Variants in VPS13B observed in about 807,000 individuals in gnomAD.
VPS13B encodes the protein intermembrane lipid transfer protein VPS13B.
VPS13B carries 285 observed loss-of-function variants against 426.4 expected under a neutral mutation model. The observed-to-expected ratio is 0.67, with a 90% CI of 0.61 to 0.74. The LOEUF is 0.74. Ranked by LOEUF, VPS13B falls within the 30% of genes least tolerant of loss-of-function variation. The probability of loss-of-function intolerance (pLI) is 0.00; values close to 1 mark genes in which losing one functional copy is unlikely to be tolerated. For missense variants in VPS13B, 4,537 were observed against 4,782.6 expected, an observed-to-expected ratio of 0.95 and a Z score of 1.51; for synonymous variants, 1,676 against 1,676.4, an observed-to-expected ratio of 1.00 and a Z score of 0.01.
At chr8:99,316,720 C>T (rs1809680595) in intron 19 of VPS13B, among the ~76,000 whole-genome samples, 1 of 152,038 alleles carries the variant, frequency 6.6e-6, no homozygotes, top group Non-Finnish European at 1.5e-5. Flanking sequence ...TTCCATTGTT[C>T]TTTCTTAGAG....
At chr8:99,053,317 T>A (rs143233298) in intron 3 of VPS13B, among the ~76,000 whole-genome samples, 3,273 of 152,026 alleles carry the variant, frequency 0.022, 52 homozygotes, top group Non-Finnish European at 0.033. Context: ...CAGTCCCCAT[T>A]GTGTGATGTT....
At chr8:99,416,478 C>T (rs1221951640) in intron 21 of VPS13B, among the ~76,000 whole-genome samples, 1 of 152,136 alleles carries the variant, frequency 6.6e-6, no homozygotes, top group African/African-American at 2.4e-5. Flanking sequence ...AAAAAAACTC[C>T]TGCAGCTAGC....
rs1356243074 is a variant in VPS13B at position 99,280,570 on chromosome 8, A to G, written c.2824+5316A>G. On this transcript the variant is annotated intron_variant, in intron 19 of 61. Transcript: ENST00000357162. Reference sequence around the variant, plus strand: ...ACATTTATGACAGATGTTCAAGGGTATAAATTTGACAGATAAATAATCAGT... The same window carrying G: ...ACATTTATGACAGATGTTCAAGGGTGTAAATTTGACAGATAAATAATCAGT... Among the ~76,000 whole-genome samples, 4 of 152,206 alleles carry G rather than the reference A, an allele frequency of 2.6e-5. No homozygotes were observed. The South Asian group carries it at 6.2e-4, about 24-fold the overall frequency.
At chr8:99,318,759 G>A (rs865814315) in intron 19 of VPS13B, among the ~76,000 whole-genome samples, 5 of 152,190 alleles carry the variant, frequency 3.3e-5, no homozygotes, top group Middle Eastern at 3.4e-3. Flanking sequence ...CTGACCTCGT[G>A]ATCCACCTGC....
rs775455935 is a variant in VPS13B, at chr8:99,699,505, T to A, written c.6047-20T>A. 2 of 1,611,766 alleles carry A rather than the reference T, an allele frequency of 1.2e-6. No individual in the cohort carries two copies. Among genetic ancestry groups the A allele is most frequent in the Admixed American group, 3.3e-5 (2 of 59,992 alleles). On this transcript the variant is annotated intron_variant, in intron 35 of 61. Coordinates refer to ENST00000357162, the MANE Select transcript of VPS13B (RefSeq NM_152564.5). ...AGTAAGAAAGCTTCAATAATTGTTT[T>A]CTCTTTTTTACTTCTATAGCGGATG...
At chr8:99,146,618 G>A (rs1810740653) in intron 13 of VPS13B, among the ~76,000 whole-genome samples, 1 of 152,102 alleles carries the variant, frequency 6.6e-6, no homozygotes, top group South Asian at 2.1e-4. Flanking sequence ...TGTCACCTAG[G>A]CTGAAATACA....
chr8:99,020,324 C>T (rs1587921707), intron 2 of VPS13B, among the ~76,000 whole-genome samples: 3 of 151,992 alleles, frequency 2.0e-5, no homozygotes, highest in African/African-American at 2.4e-5. Context: ...AATTTTGAAT[C>T]GGGTTCTTTG....
intron 16 of VPS13B, among the ~76,000 whole-genome samples, chr8:99,173,203 G>A (rs1298117628): frequency 6.6e-6 from 1 of 152,102 alleles, no homozygotes; most frequent in East Asian, 1.9e-4. Context: ...AAATCTTTGA[G>A]TTCAGTGTTA....
chr8:99,598,882 T>C (rs944054276), intron 33 of VPS13B, among the ~76,000 whole-genome samples: 2 of 151,960 alleles, frequency 1.3e-5, no homozygotes, highest in African/African-American at 4.8e-5. Context: ...AGTTAAAAAT[T>C]ATGATTTTTT....
chr8:99,824,070 C>A, intron 51 of VPS13B, 92 bp downstream of exon 51: 1 of 1,458,632 alleles, frequency 6.9e-7, no homozygotes, highest in Non-Finnish European at 9.5e-7. Context: ...AAATGAAAAG[C>A]TAACCCTGAA....
intron 19 of VPS13B, among the ~76,000 whole-genome samples, chr8:99,372,498 G>T (rs1242512094): frequency 6.6e-6 from 1 of 152,160 alleles, no homozygotes; most frequent in Non-Finnish European, 1.5e-5. Context: ...CAAAAAGTGG[G>T]TGAGGGATAT....
chr8:99,273,709 G>A lies in VPS13B; in HGVS notation c.2516-489G>A, dbSNP rs1461518794. On this transcript the variant is annotated intron_variant, in intron 17 of 61. Transcript: ENST00000357162. ...TGAGGAAGGAGAATTGCTTGAACCCGGGAGGCAGAGCTTGCAGAGCTTGCA... is the reference window on the plus strand; with the variant it reads ...TGAGGAAGGAGAATTGCTTGAACCCAGGAGGCAGAGCTTGCAGAGCTTGCA... Among the ~76,000 whole-genome samples the A allele has an allele frequency of 0.012, 14 of 1,190 alleles. No homozygotes were observed. In the Admixed American group the frequency reaches 0.12, roughly 10 times the overall value. The allele number at this position is 1,190 out of a possible 152,430, so 0.8% of individuals were successfully genotyped here.
chr8:99,460,233 C>T (rs1818752186), intron 23 of VPS13B, among the ~76,000 whole-genome samples: 1 of 151,758 alleles, frequency 6.6e-6, no homozygotes, highest in Non-Finnish European at 1.5e-5. Context: ...ATTTAATTTT[C>T]TCTATTCATT....
At chr8:99,474,061 T>G (rs1819554676) in intron 24 of VPS13B, among the ~76,000 whole-genome samples, 1 of 152,218 alleles carries the variant, frequency 6.6e-6, no homozygotes, top group Non-Finnish European at 1.5e-5. Context: ...CTTATTGATC[T>G]TGATATTGGG....
intron 19 of VPS13B, among the ~76,000 whole-genome samples, chr8:99,322,923 G>C (rs1035216207): frequency 6.6e-5 from 10 of 152,178 alleles, no homozygotes; most frequent in Non-Finnish European, 1.2e-4. Flanking sequence ...AGTCACAAAA[G>C]ATGTACAAAT....
At chr8:99,100,421 G>A (rs1846669645) in intron 4 of VPS13B, among the ~76,000 whole-genome samples, 2 of 152,098 alleles carry the variant, frequency 1.3e-5, no homozygotes, top group Admixed American at 6.5e-5. Context: ...CTCCTGAGTA[G>A]CTGGGACTAA....
chr8:99,649,625 TACACAC>T (rs57697283), intron 34 of VPS13B, among the ~76,000 whole-genome samples: 20,287 of 146,352 alleles, frequency 0.14, 1,840 homozygotes, highest in East Asian at 0.39. Flanking sequence ...CCCCTCTACA[TACACAC>T]ACACACACAC....
At chr8:99,077,487 A>G (rs1331444107) in intron 3 of VPS13B, among the ~76,000 whole-genome samples, 2 of 151,834 alleles carry the variant, frequency 1.3e-5, no homozygotes. Context: ...TCATTTTTGA[A>G]TAGCACTTTG....
At chr8:99,263,812 A>G (rs1818170230) in intron 17 of VPS13B, among the ~76,000 whole-genome samples, 1 of 152,142 alleles carries the variant, frequency 6.6e-6, no homozygotes, top group South Asian at 2.1e-4. Flanking sequence ...CCTGAGGTTT[A>G]GCATATGAAC....
Sources: gnomAD v4.1 joint callset for allele counts (sites outside exome capture counted in the v4.1 genomes callset) on GRCh38, gnomAD v4.1.1 for gene constraint, MANE v1.5 for transcripts, NCBI Gene and HGNC (gene_info 2026-07-23, HGNC 2026-07-21) for gene names.